Variants in SLC24A2 observed in about 807,000 individuals in gnomAD.
SLC24A2 encodes solute carrier family 24 member 2.
In SLC24A2, 36 loss-of-function variants were observed where a neutral mutation model predicts 62.0. The observed-to-expected ratio is 0.58, with a 90% confidence interval of 0.44 to 0.77. The LOEUF (loss-of-function observed/expected upper bound fraction) is 0.77, where lower values mean the gene tolerates loss of function less well. Among genes scored for constraint, SLC24A2 ranks in the 30% least tolerant of loss-of-function variants. The pLI is 0.00. For synonymous variants in SLC24A2, 358 were observed against 294.0 expected, an observed-to-expected ratio of 1.22 and a Z score of -2.23; for missense variants, 846 against 817.9, an observed-to-expected ratio of 1.03 and a Z score of -0.42.
chr9:19,619,158 A>G (rs544722394), intron 4 of SLC24A2, among the ~76,000 whole-genome samples: 2 of 152,134 alleles, frequency 1.3e-5, no homozygotes, highest in Middle Eastern at 3.4e-3. Flanking sequence ...TCCCCAAACC[A>G]CTCATGGACC....
intron 2 of SLC24A2, among the ~76,000 whole-genome samples, chr9:19,643,970 C>G (rs941692939): frequency 2.0e-5 from 3 of 152,188 alleles, no homozygotes; most frequent in Non-Finnish European, 2.9e-5. Context: ...TGAAATTTCT[C>G]TTATTTGTAA....
chr9:19,899,803 G>T, the SLC24A2 span, among the ~76,000 whole-genome samples: 2 of 152,120 alleles, frequency 1.3e-5, no homozygotes, highest in Non-Finnish European at 2.9e-5. Flanking sequence ...ATAAGCAAAA[G>T]GGGGAAAAGC....
At chr9:19,673,705 C>T (rs902392575) in intron 2 of SLC24A2, among the ~76,000 whole-genome samples, 9 of 152,192 alleles carry the variant, frequency 5.9e-5, no homozygotes, top group African/African-American at 1.9e-4. Context: ...CTGCTTTGGC[C>T]TCCCAAAATG....
chr9:19,864,043 A>T, the SLC24A2 span, among the ~76,000 whole-genome samples: 2 of 152,184 alleles, frequency 1.3e-5, no homozygotes, highest in East Asian at 3.9e-4. Flanking sequence ...GTTAGTGGCT[A>T]CTATGAGCAA....
the SLC24A2 span, among the ~76,000 whole-genome samples, chr9:20,141,821 C>T: frequency 3.9e-5 from 6 of 152,152 alleles, no homozygotes; most frequent in Admixed American, 6.5e-5. Context: ...CGGTGGCTCA[C>T]GCCTGTAATC....
At chr9:19,706,144 T>C (rs1204304800) in intron 2 of SLC24A2, among the ~76,000 whole-genome samples, 1 of 151,716 alleles carries the variant, frequency 6.6e-6, no homozygotes, top group African/African-American at 2.4e-5. Flanking sequence ...ATATTTAGGA[T>C]AGTTAGCTCT....
the SLC24A2 span, among the ~76,000 whole-genome samples, chr9:19,846,682 G>A: frequency 1.3e-5 from 2 of 152,152 alleles, no homozygotes; most frequent in Non-Finnish European, 2.9e-5. Context: ...TGTGGGCTAT[G>A]TATTTAAGTG....
At chr9:20,051,908 G>A in the SLC24A2 span, among the ~76,000 whole-genome samples, 3 of 151,866 alleles carry the variant, frequency 2.0e-5, no homozygotes, top group African/African-American at 7.3e-5. Flanking sequence ...TAGTCTTACT[G>A]AGAAGAATCC....
the SLC24A2 span, among the ~76,000 whole-genome samples, chr9:20,090,074 C>T: frequency 8.5e-5 from 13 of 152,138 alleles, no homozygotes; most frequent in Admixed American, 7.9e-4. Context: ...AGTGCCTTAT[C>T]CACACCTCCA....
chr9:19,993,575 T>C, the SLC24A2 span, among the ~76,000 whole-genome samples: 2 of 152,198 alleles, frequency 1.3e-5, no homozygotes, highest in Non-Finnish European at 2.9e-5. Flanking sequence ...TTAACATTTA[T>C]AGAGTACCTG....
At chr9:20,080,822 T>G in the SLC24A2 span, among the ~76,000 whole-genome samples, 1 of 152,004 alleles carries the variant, frequency 6.6e-6, no homozygotes, top group Non-Finnish European at 1.5e-5. Flanking sequence ...GCGAAGGATA[T>G]GAACAGACAC....
At chr9:19,667,604 C>T (rs781071444) in intron 2 of SLC24A2, among the ~76,000 whole-genome samples, 44 of 152,174 alleles carry the variant, frequency 2.9e-4, no homozygotes, top group Non-Finnish European at 1.6e-4. Flanking sequence ...CTACTTCAGT[C>T]CATGGGAGCT....
chr9:20,014,376 G>C, the SLC24A2 span, among the ~76,000 whole-genome samples: 5 of 151,766 alleles, frequency 3.3e-5, no homozygotes, highest in African/African-American at 1.2e-4. Flanking sequence ...CCACTTCTGG[G>C]TATATACCCA....
At chr9:20,055,319 CATGAT>C in the SLC24A2 span, among the ~76,000 whole-genome samples, 1 of 152,128 alleles carries the variant, frequency 6.6e-6, no homozygotes, top group Non-Finnish European at 1.5e-5. Flanking sequence ...AAGAAAAATA[CATGAT>C]ATAAGGGAGA....
At chr9:20,290,508 T>C in the SLC24A2 span, among the ~76,000 whole-genome samples, 1 of 152,244 alleles carries the variant, frequency 6.6e-6, no homozygotes, top group Non-Finnish European at 1.5e-5. Flanking sequence ...CGCGGGTCTG[T>C]AGAGGCATGT....
At chr9:20,118,743 C>A in the SLC24A2 span, among the ~76,000 whole-genome samples, 54 of 152,096 alleles carry the variant, frequency 3.6e-4, no homozygotes, top group East Asian at 7.9e-3. Flanking sequence ...CATTAGAAGA[C>A]CAAAAATAAT....
chr9:19,974,966 G>A, the SLC24A2 span, among the ~76,000 whole-genome samples: 2 of 152,158 alleles, frequency 1.3e-5, no homozygotes, highest in South Asian at 4.1e-4. Context: ...AAGGATGGGA[G>A]GAAGGCTCCT....
At chr9:19,911,643 C>T in the SLC24A2 span, among the ~76,000 whole-genome samples, 25 of 152,242 alleles carry the variant, frequency 1.6e-4, no homozygotes, top group African/African-American at 5.8e-4. Flanking sequence ...ATATGGCGTC[C>T]AGTCTCAACT....
the SLC24A2 span, among the ~76,000 whole-genome samples, chr9:19,837,693 T>G: frequency 6.6e-6 from 1 of 152,090 alleles, no homozygotes; most frequent in Non-Finnish European, 1.5e-5. Context: ...AAAAATCTCC[T>G]TAAGCTGATA....
Sources: allele counts gnomAD v4.1 joint callset (sites outside exome capture counted in the v4.1 genomes callset), GRCh38; gene constraint gnomAD v4.1.1; transcripts MANE v1.5; gene names NCBI Gene and HGNC (gene_info 2026-07-23, HGNC 2026-07-21).